The following TRPM7 variants were observed in gnomAD, a reference collection of about 807,000 sequenced individuals.
TRPM7 encodes LTRPC ion channel family member 7.
In TRPM7, 134 loss-of-function variants were observed where a neutral mutation model predicts 229.7. The ratio of observed to expected loss-of-function variants is 0.58; its 90% CI spans 0.51 to 0.67. The LOEUF is 0.67. Ranked by LOEUF, TRPM7 falls within the 30% of genes least tolerant of loss-of-function variation. The probability of loss-of-function intolerance (pLI) is 0.00; values close to 1 mark genes in which losing one functional copy is unlikely to be tolerated. For missense variants in TRPM7, 1,901 were observed against 2,210.0 expected (o/e 0.86, Z 2.80); for synonymous variants, 699 against 715.2 (o/e 0.98, Z 0.36).
rs2060132258 is a variant in TRPM7, at chr15:50,613,768, T to A, written c.1709A>T (p.Asp570Val). The A allele has an allele frequency of 1.9e-6, 3 of 1,614,072 alleles. No homozygotes were observed. The highest frequency in any genetic ancestry group is 2.5e-6 in the Non-Finnish European group (3 of 1,179,984). The change falls in exon 15 of 39, where the codon GAT (aspartate) becomes GTT (valine). Residue 570 changes from aspartate (D) to valine (V), a missense_variant. Physicochemically the swap from Asp to Val is radical, Grantham distance 152. Coordinates refer to ENST00000646667, the MANE Select transcript of TRPM7 (RefSeq NM_017672.6). ...KSHESFGNRADKKEKMRHNHF... is the reference protein window; with the variant it reads ...KSHESFGNRAVKKEKMRHNHF... ...GTTATGCCTCATTTTTTCCTTTTTA[T>A]CTGCCCTATTGCCAAAAGATTCATG...
intron 13 of TRPM7, among the ~76,000 whole-genome samples, chr15:50,617,136 AAATAAATAAATAAATAAAT>A (rs2060244919): frequency 1.1e-4 from 3 of 26,614 alleles, no homozygotes; most frequent in African/African-American, 4.0e-4. Context: ...CCAAAAAAAT[AAATAAATAAATAAATAAAT>A]AAATAAATAA....
intron 4 of TRPM7, among the ~76,000 whole-genome samples, chr15:50,648,370 C>T (rs1169747501): frequency 6.6e-6 from 1 of 151,930 alleles, no homozygotes; most frequent in Non-Finnish European, 1.5e-5. Context: ...CAGCAGACAA[C>T]ATTTTTAAAA....
chr15:50,653,983 A>ATAGCTCTT (rs1210034504), intron 3 of TRPM7, among the ~76,000 whole-genome samples: 1 of 152,196 alleles, frequency 6.6e-6, no homozygotes, highest in Admixed American at 6.6e-5. Flanking sequence ...CCTTAAGAGG[A>ATAGCTCTT]AGGTCCACAT....
chr15:50,671,424 C>T (rs187878420), intron 1 of TRPM7, among the ~76,000 whole-genome samples: 75 of 152,296 alleles, frequency 4.9e-4, no homozygotes, highest in African/African-American at 1.8e-3. Flanking sequence ...TTTGTGCATA[C>T]TGTCATGTGC....
chr15:50,638,215 C>T (rs1567058674), intron 6 of TRPM7, among the ~76,000 whole-genome samples: 2 of 150,812 alleles, frequency 1.3e-5, no homozygotes. Flanking sequence ...AAAAATTAGC[C>T]GGGCGTGGTA....
chr15:50,677,055 C>A (rs755778349), intron 1 of TRPM7, among the ~76,000 whole-genome samples: 6 of 152,160 alleles, frequency 3.9e-5, no homozygotes, highest in Non-Finnish European at 7.4e-5. Flanking sequence ...ATGCCACAAC[C>A]AATACCACAC....
chr15:50,593,094 G>A (rs897133445), intron 25 of TRPM7, among the ~76,000 whole-genome samples: 1 of 152,030 alleles, frequency 6.6e-6, no homozygotes, highest in South Asian at 2.1e-4. Context: ...TTCGAGACCA[G>A]CTTGGCCAAC....
At chr15:50,646,858 GAC>G (rs1209262860) in intron 4 of TRPM7, among the ~76,000 whole-genome samples, 1 of 152,020 alleles carries the variant, frequency 6.6e-6, no homozygotes, top group Non-Finnish European at 1.5e-5. Flanking sequence ...TATATATTTA[GAC>G]ACATATTTCC....
At chr15:50,627,845 G>A (rs967621320) in intron 11 of TRPM7, among the ~76,000 whole-genome samples, 9 of 152,146 alleles carry the variant, frequency 5.9e-5, no homozygotes, top group African/African-American at 2.2e-4. Context: ...ACTAAAAAAG[G>A]AATAGGTCTA....
At chr15:50,615,757 G>A (rs890625547) in intron 13 of TRPM7, among the ~76,000 whole-genome samples, 1 of 152,006 alleles carries the variant, frequency 6.6e-6, no homozygotes, top group Non-Finnish European at 1.5e-5. Context: ...TTAGCTGGGT[G>A]TGGTGGAGGG....
At chr15:50,588,581 G>A (rs1040557293) in intron 27 of TRPM7, among the ~76,000 whole-genome samples, 10 of 152,082 alleles carry the variant, frequency 6.6e-5, no homozygotes, top group African/African-American at 2.4e-4. Context: ...AAACTCCTAC[G>A]TCATTATCAT....
At chr15:50,583,495 AC>A (rs1317015265) in intron 28 of TRPM7, among the ~76,000 whole-genome samples, 1 of 151,138 alleles carries the variant, frequency 6.6e-6, no homozygotes, top group African/African-American at 2.4e-5. Context: ...GTATACACAT[AC>A]CCCCGCCAAT....
chr15:50,628,092 A>T, intron 11 of TRPM7, 57 bp downstream of exon 11: 1 of 1,255,768 alleles, frequency 8.0e-7, no homozygotes, highest in Non-Finnish European at 1.1e-6. Flanking sequence ...TCCCGCAAAT[A>T]CTTTTTTATT....
intron 1 of TRPM7, among the ~76,000 whole-genome samples, chr15:50,686,202 C>T (rs1200877371): frequency 6.6e-6 from 1 of 152,252 alleles, no homozygotes; most frequent in Admixed American, 6.5e-5. Context: ...AGCCCTGCGT[C>T]GGGCGCGCTG....
chr15:50,566,701 A>G (rs2053614268), intron 38 of TRPM7, among the ~76,000 whole-genome samples: 1 of 152,176 alleles, frequency 6.6e-6, no homozygotes, highest in Non-Finnish European at 1.5e-5. Context: ...TCTCAAAATA[A>G]ATAAATAAAA....
intron 36 of TRPM7, among the ~76,000 whole-genome samples, chr15:50,570,799 G>C (rs2053845866): frequency 6.6e-6 from 1 of 150,678 alleles, no homozygotes; most frequent in African/African-American, 2.4e-5. Flanking sequence ...AGGTTGCAGT[G>C]AGCCAAAATC....
chr15:50,682,664 A>G (rs892162432), intron 1 of TRPM7, among the ~76,000 whole-genome samples: 1 of 152,162 alleles, frequency 6.6e-6, no homozygotes, highest in African/African-American at 2.4e-5. Flanking sequence ...AGAACTAACA[A>G]TTTAAATTAG....
chr15:50,592,707 T>TA (rs564114032), intron 25 of TRPM7, 81 bp from the exon 26 acceptor site: 1 of 1,012,158 alleles, frequency 9.9e-7, no homozygotes, highest in Admixed American at 2.6e-5. Flanking sequence ...ATAATAATGA[T>TA]AAAAAGAGAA....
chr15:50,593,416 C>A (rs1200616936), intron 25 of TRPM7, among the ~76,000 whole-genome samples: 1 of 152,034 alleles, frequency 6.6e-6, no homozygotes, highest in African/African-American at 2.4e-5. Context: ...TCTTCTGTAA[C>A]TAGGGTAAAA....
Sources: allele counts gnomAD v4.1 joint callset (sites outside exome capture counted in the v4.1 genomes callset), GRCh38; gene constraint gnomAD v4.1.1; transcripts MANE v1.5; gene names NCBI Gene and HGNC (gene_info 2026-07-23, HGNC 2026-07-21).